The following SPMIP2 variants were observed in gnomAD, a reference collection of about 807,000 sequenced individuals.
SPMIP2 encodes protein SPMIP2.
chr4:158,963,793 T>C, the SPMIP2 span, among the ~76,000 whole-genome samples: 3 of 152,068 alleles, frequency 2.0e-5, no homozygotes, highest in Admixed American at 2.0e-4. Context: ...AGATCTAGGC[T>C]CTCCTTGGCA....
At chr4:159,043,868 TATTTGCCATTC>T in the SPMIP2 span, among the ~76,000 whole-genome samples, 3 of 152,206 alleles carry the variant, frequency 2.0e-5, no homozygotes, top group African/African-American at 4.8e-5. Flanking sequence ...AAGCTCTTAA[TATTTGCCATTC>T]ATTTGCCATG....
the SPMIP2 span, among the ~76,000 whole-genome samples, chr4:159,065,651 A>C: frequency 4.6e-5 from 7 of 152,210 alleles, no homozygotes; most frequent in Non-Finnish European, 7.3e-5. Context: ...CTCTCTTCTC[A>C]GAATAAGGTA....
chr4:158,977,022 CT>C, the SPMIP2 span, among the ~76,000 whole-genome samples: 2 of 152,096 alleles, frequency 1.3e-5, no homozygotes, highest in African/African-American at 4.8e-5. Flanking sequence ...GATTTTTGCA[CT>C]GATGTTCATC....
chr4:158,923,910 G>A, the SPMIP2 span, among the ~76,000 whole-genome samples: 1 of 151,908 alleles, frequency 6.6e-6, no homozygotes, highest in Non-Finnish European at 1.5e-5. Flanking sequence ...TATATGTTGA[G>A]GTTCTAACCC....
chr4:158,969,327 T>A, the SPMIP2 span, among the ~76,000 whole-genome samples: 4 of 152,324 alleles, frequency 2.6e-5, no homozygotes, highest in East Asian at 7.7e-4. Flanking sequence ...CTAAAGAAAC[T>A]GTTTCAATTG....
At chr4:159,065,472 C>T in the SPMIP2 span, among the ~76,000 whole-genome samples, 1 of 152,138 alleles carries the variant, frequency 6.6e-6, no homozygotes, top group Non-Finnish European at 1.5e-5. Flanking sequence ...AATCCCAGCA[C>T]TTTGGGAGGC....
At chr4:159,082,051 C>T in the SPMIP2 span, among the ~76,000 whole-genome samples, 1 of 151,660 alleles carries the variant, frequency 6.6e-6, no homozygotes, top group East Asian at 1.9e-4. Context: ...GACGTGGTGG[C>T]TCATGCCTGT....
chr4:158,972,805 C>A, the SPMIP2 span, among the ~76,000 whole-genome samples: 1 of 151,976 alleles, frequency 6.6e-6, no homozygotes, highest in East Asian at 1.9e-4. Flanking sequence ...AGTGCCTCAG[C>A]CTGAATGTGA....
chr4:158,975,082 T>A, the SPMIP2 span, among the ~76,000 whole-genome samples: 1 of 152,252 alleles, frequency 6.6e-6, no homozygotes, highest in Non-Finnish European at 1.5e-5. Flanking sequence ...TATTCATATG[T>A]TTGTTGGTCA....
the SPMIP2 span, among the ~76,000 whole-genome samples, chr4:159,012,696 C>T: frequency 5.9e-5 from 9 of 152,028 alleles, no homozygotes; most frequent in South Asian, 2.1e-4. Context: ...CTCAGCTTCC[C>T]GAGTAGCTGG....
At chr4:158,895,757 T>C in the SPMIP2 span, 2 of 1,606,812 alleles carry the variant, frequency 1.2e-6, no homozygotes, top group Non-Finnish European at 1.7e-6. Flanking sequence ...CAGTGCATCA[T>C]GCATCTTGAA....
the SPMIP2 span, among the ~76,000 whole-genome samples, chr4:158,963,652 T>G: frequency 2.0e-5 from 3 of 152,208 alleles, no homozygotes; most frequent in Non-Finnish European, 2.9e-5. Flanking sequence ...TTCTCAGATA[T>G]TCAACTGAAT....
the SPMIP2 span, among the ~76,000 whole-genome samples, chr4:158,951,399 A>G: frequency 2.0e-5 from 3 of 152,244 alleles, no homozygotes; most frequent in African/African-American, 7.2e-5. Flanking sequence ...TATTGTAGAC[A>G]ATTGTAACAC....
At chr4:158,963,372 G>A in the SPMIP2 span, among the ~76,000 whole-genome samples, 2 of 152,118 alleles carry the variant, frequency 1.3e-5, no homozygotes, top group African/African-American at 4.8e-5. Context: ...CACAATCTCA[G>A]CTCACTGCAA....
At chr4:158,900,901 CGTTA>C in the SPMIP2 span, among the ~76,000 whole-genome samples, 1 of 152,074 alleles carries the variant, frequency 6.6e-6, no homozygotes. Flanking sequence ...TTTTTTTGCC[CGTTA>C]GTTGATGCAG....
the SPMIP2 span, among the ~76,000 whole-genome samples, chr4:158,938,396 G>T: frequency 6.6e-6 from 1 of 152,166 alleles, no homozygotes; most frequent in Non-Finnish European, 1.5e-5. Context: ...TGCACCATAT[G>T]CTTCGAACCT....
the SPMIP2 span, chr4:158,906,732 C>T: frequency 6.6e-6 from 1 of 152,062 alleles, no homozygotes; most frequent in South Asian, 2.1e-4. Flanking sequence ...TGTTGCTGCT[C>T]TTTTATAATC....
chr4:159,040,144 A>ATGTGTGTGTGTG, the SPMIP2 span, among the ~76,000 whole-genome samples: 1 of 150,732 alleles, frequency 6.6e-6, no homozygotes, highest in Non-Finnish European at 1.5e-5. Flanking sequence ...GTACTTAAAT[A>ATGTGTGTGTGTG]TGTGTGTGTG....
the SPMIP2 span, chr4:158,907,143 T>C: frequency 6.6e-6 from 1 of 152,234 alleles, no homozygotes; most frequent in Non-Finnish European, 1.5e-5. Context: ...CATGTTGCAG[T>C]TTTATTTTTA....
Sources: gnomAD v4.1 joint callset for allele counts (sites outside exome capture counted in the v4.1 genomes callset) on GRCh38, gnomAD v4.1.1 for gene constraint, MANE v1.5 for transcripts, NCBI Gene and HGNC (gene_info 2026-07-23, HGNC 2026-07-21) for gene names.